The following SLC35F4 variants were observed in gnomAD, a reference collection of about 807,000 sequenced individuals.
The protein encoded by SLC35F4 is chromosome 14 open reading frame 36.
In SLC35F4, 24 loss-of-function variants were observed where a neutral mutation model predicts 44.2. The ratio of observed to expected loss-of-function variants is 0.54; its 90% CI spans 0.39 to 0.76. The LOEUF (loss-of-function observed/expected upper bound fraction) is 0.76, where lower values mean the gene tolerates loss of function less well. SLC35F4 is among the 30% of genes least tolerant of loss of function. The probability of loss-of-function intolerance (pLI) is 0.00; values close to 1 mark genes in which losing one functional copy is unlikely to be tolerated. For synonymous variants in SLC35F4, 238 were observed against 223.6 expected (o/e 1.06, Z -0.57); for missense variants, 562 against 586.1 (o/e 0.96, Z 0.42).
At position 57,963,839 on chromosome 14, in the gene SLC35F4, C is replaced by G. The variant is rs1436544097; in HGVS notation, n.282+18074G>C. Among the ~76,000 whole-genome samples, 3 of 145,790 alleles carry G rather than the reference C, an allele frequency of 2.1e-5. No homozygotes were observed. The South Asian group carries it at 7.1e-4, about 34-fold the overall frequency. On this transcript the variant is annotated intron_variant and non_coding_transcript_variant, in intron 1 of 1. Transcript: ENST00000556568. Reference sequence around the variant, plus strand: ...CTGGGCTCAAGGGATCTTCACACTTCAGTCTCACATGTAGCTGAGACTACA... The same window carrying G: ...CTGGGCTCAAGGGATCTTCACACTTGAGTCTCACATGTAGCTGAGACTACA...
intron 1 of SLC35F4, among the ~76,000 whole-genome samples, chr14:57,716,628 A>G (rs960719375): frequency 2.0e-5 from 3 of 152,230 alleles, no homozygotes; most frequent in African/African-American, 7.2e-5. Flanking sequence ...ATAATTGTAC[A>G]TATGTATGGA....
At chr14:57,879,916 G>A (rs1279759733) in intron 1 of SLC35F4, among the ~76,000 whole-genome samples, 1 of 151,574 alleles carries the variant, frequency 6.6e-6, no homozygotes, top group Admixed American at 6.6e-5. Flanking sequence ...GGGAGGAAAG[G>A]AGGGAGGGAG....
chr14:57,726,737 G>C (rs2076213694), intron 1 of SLC35F4, among the ~76,000 whole-genome samples: 1 of 152,100 alleles, frequency 6.6e-6, no homozygotes, highest in African/African-American at 2.4e-5. Context: ...ACCTGTGATG[G>C]TTAATACTGA....
intron 1 of SLC35F4, among the ~76,000 whole-genome samples, chr14:57,783,068 AT>A (rs2077665939): frequency 6.6e-6 from 1 of 152,128 alleles, no homozygotes; most frequent in Non-Finnish European, 1.5e-5. Flanking sequence ...AAAACCTTGC[AT>A]TTTTTGCAAG....
chr14:57,948,395 T>C (rs906294770), intron 1 of SLC35F4, among the ~76,000 whole-genome samples: 2 of 152,162 alleles, frequency 1.3e-5, no homozygotes, highest in African/African-American at 4.8e-5. Context: ...GTTTCATTTC[T>C]AATTGAGCTT....
downstream of SLC35F4, among the ~76,000 whole-genome samples, chr14:57,976,578 C>T (rs1881225668): frequency 6.6e-6 from 1 of 152,200 alleles, no homozygotes; most frequent in African/African-American, 2.4e-5. Flanking sequence ...ATAGGGCTGG[C>T]AGTTGCCATC....
At chr14:57,586,110 A>G (rs1190310) in intron 3 of SLC35F4, among the ~76,000 whole-genome samples, 94,307 of 152,028 alleles carry the variant, frequency 0.62, 29,752 homozygotes, top group East Asian at 0.87. Context: ...AAACAGCATG[A>G]TACTGGTACC....
intron 1 of SLC35F4, among the ~76,000 whole-genome samples, chr14:57,944,487 C>T (rs939984872): frequency 3.3e-5 from 5 of 152,108 alleles, no homozygotes; most frequent in Non-Finnish European, 7.3e-5. Context: ...CCTCATCCCT[C>T]TCCTCTATAT....
intron 3 of SLC35F4, among the ~76,000 whole-genome samples, chr14:57,585,326 TGGA>T (rs2069625416): frequency 6.6e-6 from 1 of 152,150 alleles, no homozygotes. Context: ...TAGGTATGGA[TGGA>T]ACGTATCTAT....
chr14:57,611,951 G>A (rs537455651), intron 1 of SLC35F4, among the ~76,000 whole-genome samples: 1 of 152,334 alleles, frequency 6.6e-6, no homozygotes, highest in East Asian at 1.9e-4. Context: ...CAACAGTGCA[G>A]TCCCTAAGAT....
At chr14:57,762,738 C>G (rs1676690447) in intron 1 of SLC35F4, among the ~76,000 whole-genome samples, 2 of 152,112 alleles carry the variant, frequency 1.3e-5, no homozygotes, top group African/African-American at 4.8e-5. Context: ...TCCTCTTTCT[C>G]TTGCATGCTT....
intron 1 of SLC35F4, among the ~76,000 whole-genome samples, chr14:57,856,388 G>T (rs1270097759): frequency 6.6e-6 from 1 of 151,988 alleles, no homozygotes; most frequent in Admixed American, 6.6e-5. Context: ...AAAGTTTGTG[G>T]TCTTTGCATT....
At chr14:57,739,326 C>A (rs141160608) in intron 1 of SLC35F4, among the ~76,000 whole-genome samples, 2 of 152,188 alleles carry the variant, frequency 1.3e-5, no homozygotes, top group Non-Finnish European at 2.9e-5. Flanking sequence ...GGAGGACCAA[C>A]GGCATATCAA....
chr14:57,963,881 C>T (rs945215893), intron 1 of SLC35F4, among the ~76,000 whole-genome samples: 1 of 151,920 alleles, frequency 6.6e-6, no homozygotes, highest in African/African-American at 2.4e-5. Flanking sequence ...TGTCACCATG[C>T]TCGGCTAATT....
intron 1 of SLC35F4, among the ~76,000 whole-genome samples, chr14:57,746,791 A>G (rs1408424065): frequency 6.6e-6 from 1 of 152,178 alleles, no homozygotes; most frequent in Admixed American, 6.6e-5. Context: ...GCTATTCTGC[A>G]AGCTACCATT....
intron 1 of SLC35F4, among the ~76,000 whole-genome samples, chr14:57,667,707 G>A (rs1462648011): frequency 1.3e-5 from 2 of 151,698 alleles, no homozygotes; most frequent in Non-Finnish European, 2.9e-5. Flanking sequence ...GTGTATATGT[G>A]CCACATTTTC....
intron 1 of SLC35F4, among the ~76,000 whole-genome samples, chr14:57,900,195 A>G (rs1326605000): frequency 6.6e-6 from 1 of 152,156 alleles, no homozygotes; most frequent in Non-Finnish European, 1.5e-5. Context: ...ACTTTCTCCA[A>G]GGCCCCACTG....
At chr14:57,947,092 T>C (rs1483402735) in intron 1 of SLC35F4, among the ~76,000 whole-genome samples, 1 of 152,140 alleles carries the variant, frequency 6.6e-6, no homozygotes, top group East Asian at 1.9e-4. Flanking sequence ...TTTCACGATA[T>C]TGATTCTACC....
intron 1 of SLC35F4, among the ~76,000 whole-genome samples, chr14:57,617,486 A>T (rs1026312333): frequency 6.6e-6 from 1 of 152,168 alleles, no homozygotes; most frequent in Admixed American, 6.5e-5. Flanking sequence ...AATCAGAGAT[A>T]CCTTTATATA....
Sources: allele counts gnomAD v4.1 joint callset (sites outside exome capture counted in the v4.1 genomes callset), GRCh38; gene constraint gnomAD v4.1.1; transcripts MANE v1.5; gene names NCBI Gene and HGNC (gene_info 2026-07-23, HGNC 2026-07-21).